PUDP: variants seen among roughly 807,000 people sequenced by gnomAD.
PUDP encodes the protein pseudouridine-5'-phosphatase.
PUDP carries 8 observed loss-of-function variants against 9.4 expected under a neutral mutation model. The observed-to-expected ratio is 0.85, with a 90% CI of 0.50 to 1.53. PUDP has a LOEUF of 1.53. PUDP is among the 40% of genes most tolerant of loss of function. The pLI is 0.00. For missense variants in PUDP, 188 were observed against 189.7 expected (o/e 0.99, Z 0.05); for synonymous variants, 99 against 80.7 (o/e 1.23, Z -1.22).
chrX:6,988,711 T>A (rs1166670523), intron 1 of PUDP, among the ~76,000 whole-genome samples: 2 of 111,002 alleles, frequency 1.8e-5, no homozygotes, highest in African/African-American at 6.6e-5. Context: ...ATAAACTTGT[T>A]TGTGGAGGCC....
intron 3 of PUDP, among the ~76,000 whole-genome samples, chrX:6,746,050 T>C (rs1019389152): frequency 1.8e-5 from 2 of 112,243 alleles, no homozygotes; most frequent in African/African-American, 6.5e-5. Flanking sequence ...GGCTTAGGAA[T>C]TGAAACAACT....
At chrX:6,860,419 C>T (rs756218920) in intron 3 of PUDP, among the ~76,000 whole-genome samples, 17 of 110,115 alleles carry the variant, frequency 1.5e-4, no homozygotes, top group African/African-American at 4.9e-4. Context: ...AGATTACAAG[C>T]GTGAGCCACT....
rs1036535906 is a variant in PUDP at position 6,843,621 on chromosome X, T to C, written c.*247+133512A>G. Among the ~76,000 whole-genome samples, 3 of 111,712 alleles carry C rather than the reference T, an allele frequency of 2.7e-5. No homozygotes were observed. In the Admixed American group the frequency reaches 2.8e-4, roughly 11 times the overall value. On this transcript the variant is annotated intron_variant and NMD_transcript_variant, in intron 3 of 3. Coordinates refer to the PUDP transcript ENST00000655425. ...AAAAGGTGAATCAACAGCATGTCGA[T>C]GAGCGATGGAAGGTGCAGTCCCAAA... is the stretch of plus-strand genomic sequence containing the variant.
chrX:7,052,857 G>C (rs1270349453), intron 3 of PUDP, among the ~76,000 whole-genome samples: 3 of 111,690 alleles, frequency 2.7e-5, no homozygotes, highest in African/African-American at 9.8e-5. Context: ...AACAGCCTCT[G>C]ATGCCCCCTG....
chrX:6,803,062 T>A (rs59540970), intron 3 of PUDP, among the ~76,000 whole-genome samples: 3 of 41,300 alleles, frequency 7.3e-5, no homozygotes, highest in African/African-American at 1.1e-4. Flanking sequence ...AAATAAAATA[T>A]AAAATAAAAT....
intron 3 of PUDP, among the ~76,000 whole-genome samples, chrX:6,929,376 C>T (rs747814345): frequency 8.9e-6 from 1 of 112,298 alleles, no homozygotes; most frequent in South Asian, 3.7e-4. Context: ...AACATTGGCT[C>T]GGTCCAAAAA....
At chrX:6,792,510 A>G (rs1295641982) in intron 3 of PUDP, among the ~76,000 whole-genome samples, 1 of 109,599 alleles carries the variant, frequency 9.1e-6, no homozygotes, top group Non-Finnish European at 1.9e-5. Context: ...AGAGGTCATG[A>G]CTCATTCCAA....
chrX:6,890,375 T>G (rs1401218513), intron 3 of PUDP, among the ~76,000 whole-genome samples: 6 of 111,725 alleles, frequency 5.4e-5, no homozygotes, highest in African/African-American at 2.0e-4. Flanking sequence ...TTTGCAAACT[T>G]ATTTAGTAAA....
At chrX:7,108,955 A>C (rs1385504636) in intron 1 of PUDP, among the ~76,000 whole-genome samples, 1 of 112,408 alleles carries the variant, frequency 8.9e-6, no homozygotes, top group Non-Finnish European at 1.9e-5. Flanking sequence ...CCCTGAATGG[A>C]GGGCTCAAAG....
At chrX:7,135,999 C>A (rs1380869983) in intron 1 of PUDP, among the ~76,000 whole-genome samples, 1 of 111,616 alleles carries the variant, frequency 9.0e-6, no homozygotes. Context: ...ACAAAAATGT[C>A]TTTTATAGAT....
At chrX:6,987,067 G>A (rs1483969955) in intron 1 of PUDP, among the ~76,000 whole-genome samples, 1 of 112,026 alleles carries the variant, frequency 8.9e-6, no homozygotes, top group African/African-American at 3.3e-5. Flanking sequence ...AGTCACCTCT[G>A]ATGTGGGAAA....
intron 3 of PUDP, among the ~76,000 whole-genome samples, chrX:6,910,449 C>G (rs1927832615): frequency 9.0e-6 from 1 of 111,073 alleles, no homozygotes; most frequent in Admixed American, 9.6e-5. Context: ...GTGAGATGTA[C>G]CAGACAAAGG....
intron 1 of PUDP, among the ~76,000 whole-genome samples, chrX:6,993,555 C>A (rs889699770): frequency 9.0e-6 from 1 of 111,393 alleles, no homozygotes; most frequent in African/African-American, 3.3e-5. Flanking sequence ...GAAAGCCACA[C>A]ACATTATGTG....
At chrX:6,794,459 G>A (rs1354609713) in intron 3 of PUDP, among the ~76,000 whole-genome samples, 16 of 112,128 alleles carry the variant, frequency 1.4e-4, no homozygotes, top group Non-Finnish European at 9.4e-5. Flanking sequence ...GAGTCAGTGA[G>A]TAATGAGTCA....
rs757646562 is a variant in PUDP at position 6,842,188 on chromosome X, A to AT, written c.*247+134944dup. Among the ~76,000 whole-genome samples, 3 of 112,004 alleles carry AT rather than the reference A, an allele frequency of 2.7e-5. No individual in the cohort carries two copies. In the South Asian group the frequency reaches 1.1e-3, roughly 42 times the overall value. On this transcript the variant is annotated intron_variant and NMD_transcript_variant, in intron 3 of 3. Transcript: ENST00000655425. ...ATAAATGAGATTTTCAGCCAGTTTA[A>AT]TTTTCATTTTTGAGACATACTTTCC... is the stretch of plus-strand genomic sequence containing the variant.
intron 3 of PUDP, among the ~76,000 whole-genome samples, chrX:6,924,474 C>A (rs763510932): frequency 8.0e-4 from 90 of 112,203 alleles, no homozygotes; most frequent in African/African-American, 2.8e-3. Context: ...TTTCAGATTA[C>A]GGATTTTGTA....
At chrX:7,135,280 A>G (rs1290817666) in intron 1 of PUDP, among the ~76,000 whole-genome samples, 1 of 112,441 alleles carries the variant, frequency 8.9e-6, no homozygotes, top group Non-Finnish European at 1.9e-5. Flanking sequence ...ATGTCTCATC[A>G]GCATATGATG....
At chrX:6,819,076 C>T (rs994387769) in intron 3 of PUDP, among the ~76,000 whole-genome samples, 4 of 111,212 alleles carry the variant, frequency 3.6e-5, no homozygotes, top group Non-Finnish European at 7.5e-5. Flanking sequence ...GTAAAATGTA[C>T]GGAGACCCCC....
At chrX:7,082,658 TG>T (rs1292515258) in intron 2 of PUDP, among the ~76,000 whole-genome samples, 4 of 112,378 alleles carry the variant, frequency 3.6e-5, no homozygotes, top group African/African-American at 1.3e-4. Context: ...TGGCTACCTG[TG>T]AGAAGACGCT....
Sources: allele counts gnomAD v4.1 joint callset (sites outside exome capture counted in the v4.1 genomes callset), GRCh38; gene constraint gnomAD v4.1.1; transcripts MANE v1.5; gene names NCBI Gene and HGNC (gene_info 2026-07-23, HGNC 2026-07-21).